The following CSMD3 variants were observed in gnomAD, a reference collection of about 807,000 sequenced individuals.
CSMD3 encodes the protein CUB and sushi domain-containing protein 3.
In CSMD3, 177 loss-of-function variants were observed where a neutral mutation model predicts 435.2. The ratio of observed to expected loss-of-function variants is 0.41; its 90% CI spans 0.36 to 0.46. The LOEUF is 0.46. Ranked by LOEUF, CSMD3 falls within the 20% of genes least tolerant of loss-of-function variation. CSMD3 has a pLI of 0.34. For missense variants in CSMD3, 4,265 were observed against 4,504.6 expected (o/e 0.95, Z 1.52); for synonymous variants, 1,656 against 1,520.5 (o/e 1.09, Z -2.07).
intron 1 of CSMD3, among the ~76,000 whole-genome samples, chr8:113,328,162 G>A (rs563859886): frequency 7.2e-5 from 11 of 152,160 alleles, no homozygotes; most frequent in Admixed American, 3.3e-4. Context: ...GATGGGGCCG[G>A]GCGCGGTGGC....
At chr8:113,375,048 A>G (rs1347642004) in intron 1 of CSMD3, among the ~76,000 whole-genome samples, 2 of 152,144 alleles carry the variant, frequency 1.3e-5, no homozygotes, top group African/African-American at 2.4e-5. Flanking sequence ...ATAACAAAAG[A>G]GTAGAATTTT....
intron 10 of CSMD3, among the ~76,000 whole-genome samples, chr8:112,900,403 T>C (rs1157893056): frequency 6.6e-6 from 1 of 151,290 alleles, no homozygotes; most frequent in African/African-American, 2.4e-5. Flanking sequence ...ACAGGCATAA[T>C]ATAGTGCCTG....
At chr8:112,661,174 C>T (rs1225667777) in intron 17 of CSMD3, among the ~76,000 whole-genome samples, 6 of 152,038 alleles carry the variant, frequency 3.9e-5, no homozygotes, top group Non-Finnish European at 5.9e-5. Context: ...CAGAGTAAAA[C>T]GTGCTAAGTA....
intron 13 of CSMD3, among the ~76,000 whole-genome samples, chr8:112,755,331 A>AAATAATAAAAT (rs2077668722): frequency 1.6e-5 from 2 of 128,734 alleles, no homozygotes; most frequent in Non-Finnish European, 3.2e-5. Context: ...ACTCCGTCTC[A>AAATAATAAAAT]AATAATAATA....
intron 24 of CSMD3, among the ~76,000 whole-genome samples, chr8:112,570,914 A>G (rs1254271165): frequency 6.6e-6 from 1 of 152,188 alleles, no homozygotes; most frequent in Non-Finnish European, 1.5e-5. Context: ...TCCCTTTTTA[A>G]GAATGACAGC....
At chr8:112,391,885 T>G (rs181844644) in intron 35 of CSMD3, among the ~76,000 whole-genome samples, 1 of 152,250 alleles carries the variant, frequency 6.6e-6, no homozygotes, top group Non-Finnish European at 1.5e-5. Context: ...AAGGTACTAG[T>G]CTGAAAGTAA....
At chr8:112,994,713 CT>C in intron 6 of CSMD3, among the ~76,000 whole-genome samples, 1 of 151,526 alleles carries the variant, frequency 6.6e-6, no homozygotes, top group Non-Finnish European at 1.5e-5. Context: ...CATCACACAT[CT>C]TCATATTCAG....
At chr8:113,239,506 C>A (rs2093188247) in intron 3 of CSMD3, among the ~76,000 whole-genome samples, 1 of 147,838 alleles carries the variant, frequency 6.8e-6, no homozygotes, top group Non-Finnish European at 1.5e-5. Flanking sequence ...TTTTATCTAT[C>A]TATCTATCTA....
chr8:113,115,790 T>C (rs1259208688), intron 4 of CSMD3, among the ~76,000 whole-genome samples: 1 of 152,236 alleles, frequency 6.6e-6, no homozygotes, highest in African/African-American at 2.4e-5. Flanking sequence ...TTAAAATGCT[T>C]GTGTCCCATC....
intron 5 of CSMD3, among the ~76,000 whole-genome samples, chr8:113,090,895 A>C (rs1364573268): frequency 1.3e-5 from 2 of 152,106 alleles, no homozygotes; most frequent in Non-Finnish European, 2.9e-5. Context: ...ACTCTGCTAA[A>C]ATATCCTAAC....
intron 4 of CSMD3, among the ~76,000 whole-genome samples, chr8:113,148,881 TTTAA>T (rs1461050225): frequency 6.7e-6 from 1 of 149,288 alleles, no homozygotes; most frequent in African/African-American, 2.6e-5. Context: ...CAGTATTTAC[TTTAA>T]TTACAGTTTT....
At position 113,201,312 on chromosome 8, in the gene CSMD3, T is replaced by G. The variant is rs565898704; in HGVS notation, c.515-27396A>C. On this transcript the variant is annotated intron_variant, in intron 3 of 70. Transcript: ENST00000297405. ...CTGTATTTTATAATATATGTCCTCA[T>G]ATATTATAAAAGTTCAAAATCCTCA... 1.4e-4 allele frequency among the ~76,000 whole-genome samples: 22 copies of G among 152,010 alleles called. No homozygotes were observed. In the East Asian group the frequency reaches 4.3e-3, roughly 30 times the overall value.
intron 68 of CSMD3, 37 bp from the exon 69 acceptor site, chr8:112,231,669 T>C (rs1429329576): frequency 8.8e-7 from 1 of 1,133,528 alleles, no homozygotes; most frequent in South Asian, 1.2e-5. Context: ...ACTTGAATAC[T>C]GGCCATAGCT....
intron 28 of CSMD3, among the ~76,000 whole-genome samples, chr8:112,513,172 T>C (rs1823311524): frequency 1.3e-5 from 2 of 152,224 alleles, no homozygotes; most frequent in African/African-American, 4.8e-5. Flanking sequence ...ATTTTCAATT[T>C]CTGTCAAGAA....
intron 10 of CSMD3, among the ~76,000 whole-genome samples, chr8:112,900,003 T>C (rs1373284713): frequency 6.6e-6 from 1 of 151,240 alleles, no homozygotes; most frequent in Non-Finnish European, 1.5e-5. Flanking sequence ...TTCTTATTTG[T>C]AATTCCTTTT....
intron 1 of CSMD3, among the ~76,000 whole-genome samples, chr8:113,337,535 GA>G (rs1381594681): frequency 1.3e-4 from 20 of 152,010 alleles, no homozygotes; most frequent in African/African-American, 4.6e-4. Flanking sequence ...TAAAATCTTA[GA>G]AAAATACATA....
chr8:113,218,115 T>C (rs1366751240), intron 3 of CSMD3, among the ~76,000 whole-genome samples: 1 of 149,718 alleles, frequency 6.7e-6, no homozygotes, highest in Non-Finnish European at 1.5e-5. Flanking sequence ...TATATATATA[T>C]ATATTTTAAT....
chr8:113,082,223 G>A (rs998986105), intron 5 of CSMD3, among the ~76,000 whole-genome samples: 1 of 152,108 alleles, frequency 6.6e-6, no homozygotes, highest in Admixed American at 6.5e-5. Flanking sequence ...ACCCAGGAGT[G>A]TGAGGATAGA....
At chr8:112,640,123 C>T (rs1293424667) in intron 20 of CSMD3, among the ~76,000 whole-genome samples, 1 of 152,044 alleles carries the variant, frequency 6.6e-6, no homozygotes, top group Non-Finnish European at 1.5e-5. Flanking sequence ...ATAGTGGACT[C>T]CTTGTGGTAT....
Sources: gnomAD v4.1 joint callset for allele counts (sites outside exome capture counted in the v4.1 genomes callset) on GRCh38, gnomAD v4.1.1 for gene constraint, MANE v1.5 for transcripts, NCBI Gene and HGNC (gene_info 2026-07-23, HGNC 2026-07-21) for gene names.